FRY: variants seen among roughly 807,000 people sequenced by gnomAD.
The protein encoded by FRY is FRY microtubule binding protein, also known as protein furry homolog.
FRY carries 128 observed loss-of-function variants against 348.4 expected under a neutral mutation model. The ratio of observed to expected loss-of-function variants is 0.37; its 90% CI spans 0.32 to 0.43. The LOEUF (loss-of-function observed/expected upper bound fraction) is 0.43, where lower values mean the gene tolerates loss of function less well. FRY is among the 20% of genes least tolerant of loss of function. The pLI is 1.00. For synonymous variants in FRY, 1,370 were observed against 1,374.7 expected (o/e 1.00, Z 0.08); for missense variants, 2,736 against 3,695.2 (o/e 0.74, Z 6.73).
chr13:32,211,913 T>C (rs776595401), intron 34 of FRY, among the ~76,000 whole-genome samples: 3 of 152,190 alleles, frequency 2.0e-5, no homozygotes, highest in Non-Finnish European at 2.9e-5. Flanking sequence ...TCAGAAGTGC[T>C]AGGTGCTTGG....
chr13:32,125,424 C>T (rs1213158685), intron 7 of FRY, among the ~76,000 whole-genome samples: 1 of 152,172 alleles, frequency 6.6e-6, no homozygotes, highest in Admixed American at 6.5e-5. Flanking sequence ...AACAATATAC[C>T]TCTTCCAAAA....
At chr13:32,170,817 G>T (rs148279876) in intron 17 of FRY, among the ~76,000 whole-genome samples, 195 bp from the exon 18 acceptor site, 2 of 152,136 alleles carry the variant, frequency 1.3e-5, no homozygotes, top group African/African-American at 4.8e-5. Flanking sequence ...GATTACAGGC[G>T]TGAGCCACCA....
At chr13:32,187,085 G>A (rs990862099) in intron 27 of FRY, among the ~76,000 whole-genome samples, 1 of 151,892 alleles carries the variant, frequency 6.6e-6, no homozygotes, top group Admixed American at 6.6e-5. Flanking sequence ...CTTTGATTAA[G>A]GATTATAATT....
chr13:32,222,895 T>C (rs547111113), intron 36 of FRY, among the ~76,000 whole-genome samples: 25 of 152,330 alleles, frequency 1.6e-4, no homozygotes, highest in African/African-American at 4.8e-4. Flanking sequence ...GGGTATGGGA[T>C]ATGAGGGGAA....
At chr13:32,091,403 C>T (rs1442128852) in intron 2 of FRY, among the ~76,000 whole-genome samples, 1 of 152,192 alleles carries the variant, frequency 6.6e-6, no homozygotes, top group Non-Finnish European at 1.5e-5. Context: ...GGTCAGTATT[C>T]AGAACTGTGA....
At chr13:32,035,469 C>T (rs1401246461) in intron 1 of FRY, among the ~76,000 whole-genome samples, 1 of 152,132 alleles carries the variant, frequency 6.6e-6, no homozygotes, top group Non-Finnish European at 1.5e-5. Context: ...CTTAGGTTTG[C>T]TAGAGAACAA....
In FRY at chr13:32,297,177, T is replaced by A. The variant is rs1035719891; in HGVS notation, c.*1717T>A. The A allele has an allele frequency of 6.6e-6, 1 of 152,114 alleles. No individual in the cohort carries two copies. The highest frequency in any genetic ancestry group is 1.5e-5 in the Non-Finnish European group (1 of 68,020). 9.4% of individuals were successfully genotyped at this position (152,114 alleles called of 1,614,324 possible). On this transcript the variant is annotated 3_prime_UTR_variant, in exon 61 of 61. Transcript: ENST00000542859. ...CTATAGAAGAGAGCCTAACCTAGGA[T>A]TTTTTTTAAATCCTAGTAGTTGCTA...
In FRY at chr13:32,171,108, A is replaced by G. The variant is rs1882031048; in HGVS notation, c.1989A>G (p.Leu663=). The G allele has an allele frequency of 6.8e-6, 11 of 1,613,406 alleles. No homozygotes were observed. Among genetic ancestry groups the G allele is most frequent in the Non-Finnish European group, 9.3e-6 (11 of 1,179,396 alleles). ...TCTCAGATTGGAGGGAAGATGTACT[A>G]TTTGGCTTTACCAACTTCCTGCTCC... The part of the protein sequence containing the change: ...VDFSDWREDV[L]FGFTNFLLRE... Residue 663 remains leucine, a synonymous_variant, in exon 18 of 61, where the codon CTA becomes CTG. Transcript: ENST00000542859.
At chr13:32,223,628 AT>A (rs1885430708) in intron 36 of FRY, among the ~76,000 whole-genome samples, 1 of 152,094 alleles carries the variant, frequency 6.6e-6, no homozygotes, top group South Asian at 2.1e-4. Context: ...AATAATAATA[AT>A]TTTTTAATTA....
At chr13:32,254,838 G>C (rs1454377207) in intron 51 of FRY, among the ~76,000 whole-genome samples, 1 of 152,176 alleles carries the variant, frequency 6.6e-6, no homozygotes, top group African/African-American at 2.4e-5. Flanking sequence ...ACCAGAGCCT[G>C]AGGGATCAAA....
chr13:32,056,018 C>T (rs973429274), intron 1 of FRY, among the ~76,000 whole-genome samples: 1 of 151,944 alleles, frequency 6.6e-6, no homozygotes, highest in African/African-American at 2.4e-5. Flanking sequence ...TGGTGAAACT[C>T]TGTCTCTACT....
intron 16 of FRY, among the ~76,000 whole-genome samples, chr13:32,159,811 T>C (rs1391895072): frequency 6.6e-6 from 1 of 152,142 alleles, no homozygotes; most frequent in Non-Finnish European, 1.5e-5. Flanking sequence ...AATGAACAAT[T>C]AGAAGAGATC....
At chr13:32,246,976 A>G (rs1886843265) in intron 47 of FRY, among the ~76,000 whole-genome samples, 1 of 152,208 alleles carries the variant, frequency 6.6e-6, no homozygotes, top group African/African-American at 2.4e-5. Flanking sequence ...GGAGAACTTT[A>G]AGAAAGAGTG....
intron 39 of FRY, among the ~76,000 whole-genome samples, chr13:32,228,050 C>T (rs190317380): frequency 3.3e-5 from 5 of 152,238 alleles, no homozygotes; most frequent in African/African-American, 9.6e-5. Context: ...GCGCCCAGCC[C>T]GTTTCACATG....
intron 59 of FRY, among the ~76,000 whole-genome samples, chr13:32,291,004 G>C (rs1889315197): frequency 6.6e-6 from 1 of 152,070 alleles, no homozygotes; most frequent in Non-Finnish European, 1.5e-5. Flanking sequence ...CCAAGACCTG[G>C]CTTAAACGGC....
chr13:32,039,304 C>A (rs375809659), intron 1 of FRY, among the ~76,000 whole-genome samples: 1 of 152,108 alleles, frequency 6.6e-6, no homozygotes, highest in African/African-American at 2.4e-5. Context: ...ACAGGCATTC[C>A]TTACATTAGA....
At chr13:32,197,027 A>G (rs1883716337) in intron 29 of FRY, among the ~76,000 whole-genome samples, 1 of 152,202 alleles carries the variant, frequency 6.6e-6, no homozygotes, top group Non-Finnish European at 1.5e-5. Context: ...GCCATTTCCA[A>G]TCACTAGCTT....
chr13:32,077,378 C>T (rs1299504686), intron 1 of FRY, among the ~76,000 whole-genome samples: 1 of 152,124 alleles, frequency 6.6e-6, no homozygotes, highest in Non-Finnish European at 1.5e-5. Flanking sequence ...TCTCCAAGGG[C>T]TTGGATAGGA....
At chr13:32,117,216 C>A (rs780914770) in intron 3 of FRY, 118 bp from the exon 4 acceptor site, 141 of 880,930 alleles carry the variant, frequency 1.6e-4, no homozygotes, top group Non-Finnish European at 2.4e-4. Flanking sequence ...AAAGAAAGGA[C>A]TGTGATACGG....
Sources: gnomAD v4.1 joint callset for allele counts (sites outside exome capture counted in the v4.1 genomes callset) on GRCh38, gnomAD v4.1.1 for gene constraint, MANE v1.5 for transcripts, NCBI Gene and HGNC (gene_info 2026-07-23, HGNC 2026-07-21) for gene names.